RFX3: variants seen among roughly 807,000 people sequenced by gnomAD.
The protein encoded by RFX3 is transcription factor RFX3.
RFX3 carries 14 observed loss-of-function variants against 98.6 expected under a neutral mutation model. The ratio of observed to expected loss-of-function variants is 0.14; its 90% confidence interval spans 0.09 to 0.22. The LOEUF is 0.22. Among genes scored for constraint, RFX3 ranks in the 10% least tolerant of loss-of-function variants. RFX3 has a pLI of 1.00. For missense variants in RFX3, 639 were observed against 926.9 expected (o/e 0.69, Z 4.03); for synonymous variants, 383 against 328.4 (o/e 1.17, Z -1.80).
intron 1 of RFX3, among the ~76,000 whole-genome samples, chr9:3,450,547 A>T (rs1846505378): frequency 6.6e-6 from 1 of 152,180 alleles, no homozygotes; most frequent in Non-Finnish European, 1.5e-5. Context: ...GGTGGAAGAA[A>T]GTATTATTCT....
chr9:3,316,545 G>C (rs1354255071), intron 4 of RFX3, among the ~76,000 whole-genome samples: 1 of 152,198 alleles, frequency 6.6e-6, no homozygotes, highest in African/African-American at 2.4e-5. Flanking sequence ...GCAAGAGAAA[G>C]AAATAAAGAG....
At chr9:3,452,290 T>A (rs1846714277) in intron 1 of RFX3, 2 of 215,096 alleles carry the variant, frequency 9.3e-6, no homozygotes, top group Non-Finnish European at 2.0e-5. Context: ...AAATGTCATT[T>A]TTTAAAAAAA....
chr9:3,399,439 C>T (rs1053120352), intron 1 of RFX3, among the ~76,000 whole-genome samples: 2 of 151,582 alleles, frequency 1.3e-5, no homozygotes, highest in Non-Finnish European at 2.9e-5. Context: ...ACCAAAACTC[C>T]GTCTCAAAAC....
At chr9:3,463,022 A>G (rs762447408) in intron 1 of RFX3, among the ~76,000 whole-genome samples, 16 of 152,150 alleles carry the variant, frequency 1.1e-4, no homozygotes, top group Admixed American at 2.6e-4. Flanking sequence ...TGCAATTCCA[A>G]TCAAAATCCC....
intron 2 of RFX3, among the ~76,000 whole-genome samples, chr9:3,372,534 C>T (rs1051251879): frequency 6.3e-5 from 9 of 143,946 alleles, no homozygotes; most frequent in South Asian, 4.7e-4. Flanking sequence ...TCTTTTTTTT[C>T]TTTCTTTCTT....
Position 3,363,115 on chromosome 9 carries a change from T to G in RFX3, c.118-16351A>C, listed in dbSNP as rs145073079. On this transcript the variant is annotated intron_variant, in intron 2 of 16. Transcript: ENST00000617270. ...TACCAATGCTAAGATTCTACTAAAC[T>G]AAGTAATAATTTATTGGGAAAAGCA... is the stretch of plus-strand genomic sequence containing the variant. Among the ~76,000 whole-genome samples, 610 of 152,270 alleles carry G rather than the reference T, an allele frequency of 4.0e-3. 4 individuals are homozygous for G. Among genetic ancestry groups the G allele is most frequent in the African/African-American group, 0.014 (566 of 41,548 alleles).
chr9:3,359,709 G>C (rs1338676097), intron 2 of RFX3, among the ~76,000 whole-genome samples: 1 of 152,078 alleles, frequency 6.6e-6, no homozygotes, highest in Admixed American at 6.6e-5. Context: ...AAAATTGGTA[G>C]AATCTTCTAA....
chr9:3,235,535 A>C (rs1322662779), intron 15 of RFX3, among the ~76,000 whole-genome samples: 1 of 152,220 alleles, frequency 6.6e-6, no homozygotes, highest in Non-Finnish European at 1.5e-5. Flanking sequence ...TGGAGGTCAG[A>C]AGTTCTAAAT....
intron 4 of RFX3, among the ~76,000 whole-genome samples, chr9:3,328,323 T>A (rs1316590947): frequency 6.6e-6 from 1 of 152,162 alleles, no homozygotes; most frequent in African/African-American, 2.4e-5. Flanking sequence ...ACTTTTACAT[T>A]TAGAATATTT....
At chr9:3,278,126 T>A (rs1825470498) in intron 7 of RFX3, among the ~76,000 whole-genome samples, 1 of 151,896 alleles carries the variant, frequency 6.6e-6, no homozygotes, top group East Asian at 1.9e-4. Flanking sequence ...GTCCTAGTCA[T>A]ACAAACTTAT....
intron 3 of RFX3, among the ~76,000 whole-genome samples, chr9:3,340,235 C>T (rs1360608913): frequency 6.6e-6 from 1 of 152,096 alleles, no homozygotes; most frequent in African/African-American, 2.4e-5. Flanking sequence ...TTCCTTACAC[C>T]TTATGCAAAA....
chr9:3,489,804 C>CT (rs1763648236), intron 1 of RFX3, among the ~76,000 whole-genome samples: 1 of 152,120 alleles, frequency 6.6e-6, no homozygotes, highest in African/African-American at 2.4e-5. Flanking sequence ...TCAAAGCACT[C>CT]TGAGTAGTGC....
At chr9:3,316,173 T>C (rs1217143786) in intron 4 of RFX3, among the ~76,000 whole-genome samples, 2 of 152,084 alleles carry the variant, frequency 1.3e-5, no homozygotes, top group African/African-American at 4.8e-5. Context: ...AAACCCTATC[T>C]ACCACTATCA....
intron 1 of RFX3, among the ~76,000 whole-genome samples, chr9:3,417,784 G>A (rs1237663043): frequency 6.6e-6 from 1 of 152,056 alleles, no homozygotes; most frequent in Non-Finnish European, 1.5e-5. Flanking sequence ...ACTAGAACAG[G>A]AAGAATTCTA....
At chr9:3,264,266 A>G (rs2131242751) in intron 12 of RFX3, among the ~76,000 whole-genome samples, 2 of 152,324 alleles carry the variant, frequency 1.3e-5, no homozygotes, top group South Asian at 4.1e-4. Flanking sequence ...TGTGCACAAT[A>G]TAGATCTAAT....
chr9:3,406,043 A>G (rs1841939525), intron 1 of RFX3, among the ~76,000 whole-genome samples: 1 of 151,714 alleles, frequency 6.6e-6, no homozygotes, highest in Admixed American at 6.6e-5. Context: ...TGCAGCCTCA[A>G]CCTCCCAGTC....
intron 7 of RFX3, among the ~76,000 whole-genome samples, chr9:3,279,290 T>C (rs758133966): frequency 6.6e-6 from 1 of 151,798 alleles, no homozygotes; most frequent in Non-Finnish European, 1.5e-5. Flanking sequence ...TTTTCAGCTA[T>C]GGAATTGTGT....
chr9:3,368,439 T>C (rs2131513563), intron 2 of RFX3, among the ~76,000 whole-genome samples: 1 of 152,266 alleles, frequency 6.6e-6, no homozygotes, highest in East Asian at 1.9e-4. Context: ...ATATTAAAGA[T>C]AATGGTTTCA....
At chr9:3,288,376 T>C (rs187676386) in intron 6 of RFX3, 126 bp from the exon 7 acceptor site, 1 of 715,932 alleles carries the variant, frequency 1.4e-6, no homozygotes, top group Non-Finnish European at 2.4e-6. Flanking sequence ...GTTACATATT[T>C]ATGATTAACC....
Sources: gnomAD v4.1 joint callset for allele counts (sites outside exome capture counted in the v4.1 genomes callset) on GRCh38, gnomAD v4.1.1 for gene constraint, MANE v1.5 for transcripts, NCBI Gene and HGNC (gene_info 2026-07-23, HGNC 2026-07-21) for gene names.